Variants in HBS1L observed in about 807,000 individuals in gnomAD.
HBS1L encodes the protein HBS1 like translational GTPase.
Under a neutral mutation model 88.9 loss-of-function variants are expected in HBS1L, and 55 were observed. That is an observed-to-expected ratio of 0.62 (90% confidence interval 0.50 to 0.77). HBS1L has a LOEUF of 0.77. HBS1L is among the 30% of genes least tolerant of loss of function. The probability of loss-of-function intolerance (pLI) is 0.00; values close to 1 mark genes in which losing one functional copy is unlikely to be tolerated. For synonymous variants in HBS1L, 267 were observed against 288.5 expected, an observed-to-expected ratio of 0.93 and a Z score of 0.76; for missense variants, 741 against 829.3, an observed-to-expected ratio of 0.89 and a Z score of 1.31.
At chr6:135,001,591 G>GA (rs964310114) in intron 5 of HBS1L, among the ~76,000 whole-genome samples, 4 of 151,920 alleles carry the variant, frequency 2.6e-5, no homozygotes, top group Non-Finnish European at 5.9e-5. Context: ...AATTCAGAAG[G>GA]AAAAAAGGCA....
intron 17 of HBS1L, among the ~76,000 whole-genome samples, chr6:134,965,732 T>C (rs575502902): frequency 2.0e-5 from 3 of 152,278 alleles, no homozygotes; most frequent in East Asian, 3.9e-4. Flanking sequence ...AGAACACAAA[T>C]GGGCAGTGTA....
At chr6:135,017,546 A>G (rs1392988484) in intron 4 of HBS1L, among the ~76,000 whole-genome samples, 1 of 152,126 alleles carries the variant, frequency 6.6e-6, no homozygotes, top group Non-Finnish European at 1.5e-5. Flanking sequence ...AAATGCCTTT[A>G]TAACTCTTAA....
At chr6:135,040,654 T>C (rs1776706283) in intron 3 of HBS1L, among the ~76,000 whole-genome samples, 1 of 152,124 alleles carries the variant, frequency 6.6e-6, no homozygotes, top group African/African-American at 2.4e-5. Flanking sequence ...CCAGCCGGCA[T>C]TCACTTTTAA....
chr6:134,982,369 T>C (rs775550445), intron 13 of HBS1L, 89 bp downstream of exon 13: 6 of 727,360 alleles, frequency 8.2e-6, no homozygotes, highest in Non-Finnish European at 1.5e-5. Flanking sequence ...AAGAGGTTAC[T>C]TACTTTGGAG....
chr6:135,024,361 A>T (rs373245536), intron 4 of HBS1L, among the ~76,000 whole-genome samples: 6 of 149,748 alleles, frequency 4.0e-5, no homozygotes, highest in Admixed American at 2.0e-4. Context: ...AATGGCGTGA[A>T]CCCAGGAGGC....
intron 4 of HBS1L, among the ~76,000 whole-genome samples, chr6:135,017,414 A>C (rs1031220173): frequency 2.1e-4 from 32 of 152,182 alleles, no homozygotes; most frequent in African/African-American, 6.8e-4. Flanking sequence ...ACTGAATGTA[A>C]GAAATATTAC....
chr6:135,024,452 A>C (rs1313987330), intron 4 of HBS1L, among the ~76,000 whole-genome samples: 2 of 150,068 alleles, frequency 1.3e-5, no homozygotes, highest in East Asian at 1.9e-4. Context: ...AAAAAAAAAA[A>C]AAAAAAAAAA....
At chr6:135,022,319 CAA>C (rs57255370) in intron 4 of HBS1L, among the ~76,000 whole-genome samples, 1,357 of 124,334 alleles carry the variant, frequency 0.011, 12 homozygotes, top group African/African-American at 0.036. Context: ...TTTGTAAGGT[CAA>C]AAAAAAAAAA....
intron 15 of HBS1L, among the ~76,000 whole-genome samples, chr6:134,971,023 C>A (rs1388269064): frequency 1.3e-5 from 2 of 150,936 alleles, no homozygotes; most frequent in African/African-American, 4.9e-5. Context: ...ATAGTTTGCA[C>A]ATTCAGAAAA....
At chr6:134,985,526 T>C in intron 11 of HBS1L, 117 bp from the exon 12 acceptor site, 3 of 607,298 alleles carry the variant, frequency 4.9e-6, no homozygotes, top group Non-Finnish European at 5.8e-6. Flanking sequence ...TTATAATTAC[T>C]AATAGCAACT....
At chr6:135,045,181 T>A (rs928396203) in intron 2 of HBS1L, among the ~76,000 whole-genome samples, 58 of 152,100 alleles carry the variant, frequency 3.8e-4, no homozygotes, top group African/African-American at 1.3e-3. Flanking sequence ...GGTCCAAACC[T>A]CTGAAGTTGT....
At chr6:134,982,639 C>G (rs557432111) in intron 12 of HBS1L, 77 bp from the exon 13 acceptor site, 2 of 695,590 alleles carry the variant, frequency 2.9e-6, no homozygotes, top group East Asian at 5.4e-5. Flanking sequence ...ATACTTAGTT[C>G]TCAAGTAGTC....
chr6:134,960,523 A>G lies in HBS1L; in HGVS notation c.*4756T>C, dbSNP rs533391781. 107 of 152,104 alleles carry G rather than the reference A, an allele frequency of 7.0e-4. No individual in the cohort carries two copies. The highest frequency in any genetic ancestry group is 2.4e-3 in the African/African-American group (101 of 41,520). 9.4% of individuals were successfully genotyped at this position (152,104 alleles called of 1,614,324 possible). On this transcript the variant is annotated 3_prime_UTR_variant, in exon 18 of 18. Coordinates refer to ENST00000367837, the MANE Select transcript of HBS1L (RefSeq NM_006620.4). ...AAATTTCATTATGCATTTTTATGTC[A>G]TTTGGTACAGTTTTATTGTGCATTA...
At chr6:135,042,931 A>G (rs1019183225) in intron 2 of HBS1L, among the ~76,000 whole-genome samples, 2 of 152,228 alleles carry the variant, frequency 1.3e-5, no homozygotes, top group African/African-American at 4.8e-5. Flanking sequence ...CATGCTTTCA[A>G]TCACACACTT....
chr6:135,018,742 G>T (rs183078640), intron 4 of HBS1L, among the ~76,000 whole-genome samples: 72 of 151,826 alleles, frequency 4.7e-4, no homozygotes, highest in Admixed American at 2.6e-3. Flanking sequence ...TTGCTTTACA[G>T]AATGAAAACA....
intron 4 of HBS1L, among the ~76,000 whole-genome samples, chr6:135,020,692 T>C (rs933447183): frequency 6.6e-6 from 1 of 152,006 alleles, no homozygotes; most frequent in African/African-American, 2.4e-5. Context: ...ATGTACAATA[T>C]GTACTATAAG....
intron 4 of HBS1L, among the ~76,000 whole-genome samples, chr6:135,012,215 C>A (rs1775796632): frequency 6.6e-6 from 1 of 151,964 alleles, no homozygotes; most frequent in Non-Finnish European, 1.5e-5. Context: ...TAGTATGCTA[C>A]AGATATAGAA....
intron 4 of HBS1L, 67 bp from the exon 5 acceptor site, chr6:135,002,909 A>AT: frequency 1.3e-6 from 1 of 771,766 alleles, no homozygotes; most frequent in Non-Finnish European, 2.1e-6. Flanking sequence ...TCTATTACAT[A>AT]GTATTTTAAA....
rs772797537 is a variant in HBS1L at position 135,039,594 on chromosome 6, A to G, written c.409T>C (p.Ser137Pro). Residue 137 changes from serine to proline, a missense_variant, in exon 4 of 18, where the codon TCT becomes CCT. Around this residue, in one of 3 missense-constraint regions of HBS1L, gnomAD observed 556 missense variants for 598.4 expected, o/e 0.93. Coordinates refer to ENST00000367837, the MANE Select transcript of HBS1L (RefSeq NM_006620.4). ...ATACCTTTTGCTATCTTTCCTGTAG[A>G]TACTGTTGCCTCATTCTTGTCCTTC... ...SLKDKNEATV[S>P]TGKIAKGKPV... The G allele has an allele frequency of 6.2e-7, 1 of 1,614,086 alleles. No homozygotes were observed. Among genetic ancestry groups the G allele is most frequent in the South Asian group, 1.1e-5 (1 of 91,064 alleles).
Sources: allele counts gnomAD v4.1 joint callset (sites outside exome capture counted in the v4.1 genomes callset), GRCh38; gene constraint gnomAD v4.1.1; regional missense constraint gnomAD v4.1.1; transcripts MANE v1.5; gene names NCBI Gene and HGNC (gene_info 2026-07-23, HGNC 2026-07-21).